The following KCNH8 variants were observed in gnomAD, a reference collection of about 807,000 sequenced individuals.
The protein encoded by KCNH8 is potassium voltage-gated channel subfamily H member 8, also known as voltage-gated delayed rectifier potassium channel KCNH8.
KCNH8 carries 70 observed loss-of-function variants against 103.6 expected under a neutral mutation model. That is an observed-to-expected ratio of 0.68 (90% CI 0.56 to 0.82). The LOEUF is 0.82. Among genes scored for constraint, KCNH8 ranks in the 40% least tolerant of loss-of-function variants. KCNH8 has a pLI of 0.00. For synonymous variants in KCNH8, 498 were observed against 489.4 expected (o/e 1.02, Z -0.23); for missense variants, 1,217 against 1,329.9 (o/e 0.92, Z 1.32).
intron 3 of KCNH8, among the ~76,000 whole-genome samples, chr3:19,308,782 C>CTCTCCCTCTCTCTCTCTCCCTT (rs2065172257): frequency 9.0e-6 from 1 of 110,606 alleles, no homozygotes; most frequent in Non-Finnish European, 1.8e-5. Flanking sequence ...CCCTCTCTCT[C>CTCTCCCTCTCTCTCTCTCCCTT]TCTCCCTCTC....
intron 1 of KCNH8, among the ~76,000 whole-genome samples, chr3:19,162,216 A>G (rs563939846): frequency 3.3e-5 from 5 of 152,210 alleles, no homozygotes; most frequent in African/African-American, 1.2e-4. Flanking sequence ...AGCACATTGA[A>G]ATGTACTACT....
intron 5 of KCNH8, among the ~76,000 whole-genome samples, chr3:19,381,038 C>A (rs1036015059): frequency 2.0e-5 from 3 of 152,068 alleles, no homozygotes; most frequent in African/African-American, 7.3e-5. Context: ...TTTAATAGAA[C>A]ACCTCGTATT....
At chr3:19,163,752 C>T (rs1263063908) in intron 1 of KCNH8, among the ~76,000 whole-genome samples, 2 of 152,162 alleles carry the variant, frequency 1.3e-5, no homozygotes, top group Non-Finnish European at 2.9e-5. Context: ...ACTGACCCCT[C>T]CTCTTCCTCT....
chr3:19,505,084 TAC>T (rs111724747), intron 11 of KCNH8, among the ~76,000 whole-genome samples: 19,363 of 147,638 alleles, frequency 0.13, 1,779 homozygotes, highest in East Asian at 0.34. Context: ...TATATATAGA[TAC>T]ACACACACAC....
chr3:19,505,282 C>G lies in KCNH8; in HGVS notation c.2041-5081C>G, dbSNP rs560770618. Among the ~76,000 whole-genome samples, 21 of 151,746 alleles carry G rather than the reference C, an allele frequency of 1.4e-4. No homozygotes were observed. In the South Asian group the frequency reaches 4.4e-3, roughly 32 times the overall value. On this transcript the variant is annotated intron_variant, in intron 11 of 15. Coordinates refer to ENST00000328405, the MANE Select transcript of KCNH8 (RefSeq NM_144633.3). ...AAACACATGGACACCAAGAGGGGAA[C>G]AACAGATACTGAGACCTACCAGAGG...
intron 6 of KCNH8, among the ~76,000 whole-genome samples, chr3:19,394,597 A>C (rs2066487273): frequency 1.3e-5 from 2 of 152,102 alleles, no homozygotes; most frequent in Admixed American, 1.3e-4. Context: ...TTGTGGGCAG[A>C]ACTTACTCAA....
intron 1 of KCNH8, among the ~76,000 whole-genome samples, chr3:19,247,855 T>G (rs370679329): frequency 6.6e-6 from 1 of 152,174 alleles, no homozygotes; most frequent in African/African-American, 2.4e-5. Flanking sequence ...CACTCGGTGC[T>G]GAGATGGTTA....
intron 3 of KCNH8, among the ~76,000 whole-genome samples, chr3:19,301,042 CCT>C (rs1431328397): frequency 2.0e-5 from 3 of 151,308 alleles, no homozygotes; most frequent in African/African-American, 7.3e-5. Flanking sequence ...TTAATATAAT[CCT>C]CTCAATAACC....
chr3:19,358,284 C>T (rs2065907196), intron 5 of KCNH8, among the ~76,000 whole-genome samples: 1 of 147,474 alleles, frequency 6.8e-6, no homozygotes, highest in Non-Finnish European at 1.5e-5. Context: ...TTCTCTCTTT[C>T]TCCTCCCTTC....
chr3:19,404,972 A>G (rs2066670301), intron 7 of KCNH8, among the ~76,000 whole-genome samples: 2 of 151,882 alleles, frequency 1.3e-5, no homozygotes, highest in South Asian at 4.1e-4. Flanking sequence ...AATTTGGGGT[A>G]TAGCAGGTAG....
chr3:19,193,772 T>A (rs7431863), intron 1 of KCNH8, among the ~76,000 whole-genome samples: 1,886 of 151,890 alleles, frequency 0.012, 42 homozygotes, highest in African/African-American at 0.043. Context: ...CATTGTTTCA[T>A]TGAAGAAATT....
At chr3:19,467,508 G>C (rs908759168) in intron 11 of KCNH8, among the ~76,000 whole-genome samples, 4 of 152,190 alleles carry the variant, frequency 2.6e-5, no homozygotes, top group Non-Finnish European at 5.9e-5. Context: ...TACAAAGTAT[G>C]TGTTTCCTTT....
chr3:19,497,248 G>T (rs78401175), intron 11 of KCNH8, among the ~76,000 whole-genome samples: 1,685 of 152,172 alleles, frequency 0.011, 13 homozygotes, highest in Middle Eastern at 0.024. Flanking sequence ...ATATCCTTCA[G>T]TTTAGCTCTA....
chr3:19,354,964 G>C (rs962188139), intron 5 of KCNH8, among the ~76,000 whole-genome samples: 1 of 152,022 alleles, frequency 6.6e-6, no homozygotes, highest in African/African-American at 2.4e-5. Context: ...ATGGGAGAAA[G>C]TTTTTACAAT....
At chr3:19,180,876 A>G (rs1443881884) in intron 1 of KCNH8, among the ~76,000 whole-genome samples, 4 of 152,136 alleles carry the variant, frequency 2.6e-5, no homozygotes, top group African/African-American at 9.7e-5. Context: ...TGTCATATCT[A>G]ATTGCATAGG....
rs2065165675 is a variant in KCNH8 at position 19,308,704 on chromosome 3, CTCTCTCT to C, written c.442+27376_442+27382del. On this transcript the variant is annotated intron_variant, in intron 3 of 15. Transcript: ENST00000328405. Reference sequence around the variant, plus strand: ...TCTCTCTCTCTCTCTCTCTCTCTCTCTCTCTCTCTCTCTCCCCCTCTCTCCCTCTCTC... The same window carrying C: ...TCTCTCTCTCTCTCTCTCTCTCTCTCCTCTCTCCCCCTCTCTCCCTCTCTC... Among the ~76,000 whole-genome samples the C allele has an allele frequency of 2.5e-5, 2 of 80,924 alleles. 1 individual carries two copies. Among genetic ancestry groups the C allele is most frequent in the Admixed American group, 2.4e-4 (2 of 8,276 alleles). The allele number at this position is 80,924 out of a possible 152,430, so 53.1% of individuals were successfully genotyped here.
At chr3:19,265,869 T>C (rs1179414906) in intron 2 of KCNH8, among the ~76,000 whole-genome samples, 1 of 152,126 alleles carries the variant, frequency 6.6e-6, no homozygotes, top group African/African-American at 2.4e-5. Context: ...GATGAGCCTT[T>C]ACTCTATGTC....
chr3:19,225,596 C>A (rs2063921903), intron 1 of KCNH8, among the ~76,000 whole-genome samples: 1 of 152,046 alleles, frequency 6.6e-6, no homozygotes, highest in African/African-American at 2.4e-5. Context: ...ATTTGCCCTT[C>A]ATATAAAAAT....
intron 1 of KCNH8, among the ~76,000 whole-genome samples, chr3:19,178,163 T>A (rs1352062296): frequency 6.6e-6 from 1 of 152,156 alleles, no homozygotes; most frequent in East Asian, 1.9e-4. Flanking sequence ...AGATTTAGAA[T>A]TGAGGCTTCT....
Sources: gnomAD v4.1 joint callset for allele counts (sites outside exome capture counted in the v4.1 genomes callset) on GRCh38, gnomAD v4.1.1 for gene constraint, MANE v1.5 for transcripts, NCBI Gene and HGNC (gene_info 2026-07-23, HGNC 2026-07-21) for gene names.